PARD3: variants seen among roughly 807,000 people sequenced by gnomAD.
PARD3 encodes the protein par-3 family cell polarity regulator.
PARD3 carries 75 observed loss-of-function variants against 155.4 expected under a neutral mutation model. The observed-to-expected ratio is 0.48, with a 90% CI of 0.40 to 0.58. PARD3 has a LOEUF of 0.58. Among genes scored for constraint, PARD3 ranks in the 20% least tolerant of loss-of-function variants. PARD3 has a pLI of 0.00. For synonymous variants in PARD3, 576 were observed against 610.5 expected (o/e 0.94, Z 0.83); for missense variants, 1,642 against 1,721.7 (o/e 0.95, Z 0.82).
At chr10:34,555,340 G>A (rs564831809) in intron 2 of PARD3, among the ~76,000 whole-genome samples, 2 of 152,052 alleles carry the variant, frequency 1.3e-5, no homozygotes, top group South Asian at 2.1e-4. Context: ...CATGAACTAC[G>A]ATCCCATTCC....
chr10:34,728,636 C>T (rs1246421428), intron 1 of PARD3, among the ~76,000 whole-genome samples: 1 of 152,158 alleles, frequency 6.6e-6, no homozygotes, highest in Non-Finnish European at 1.5e-5. Context: ...TAAGTGCTCC[C>T]AATTTGGATG....
intron 1 of PARD3, among the ~76,000 whole-genome samples, chr10:34,731,817 T>G (rs1176194160): frequency 6.6e-6 from 1 of 152,168 alleles, no homozygotes; most frequent in Admixed American, 6.5e-5. Context: ...AGGCAAATGC[T>G]GTAATGAGTC....
At chr10:34,210,834 CTGACT>C (rs928487125) in intron 22 of PARD3, among the ~76,000 whole-genome samples, 5 of 152,118 alleles carry the variant, frequency 3.3e-5, no homozygotes, top group Admixed American at 6.6e-5. Context: ...CAATTGCTTC[CTGACT>C]TGACTTTTCA....
At chr10:34,623,801 G>T (rs1191069013) in intron 2 of PARD3, among the ~76,000 whole-genome samples, 1 of 152,004 alleles carries the variant, frequency 6.6e-6, no homozygotes, top group African/African-American at 2.4e-5. Context: ...CTAACACGGT[G>T]AAACCCTGAC....
intron 2 of PARD3, among the ~76,000 whole-genome samples, chr10:34,617,520 G>T (rs570010537): frequency 6.6e-6 from 1 of 152,264 alleles, no homozygotes; most frequent in South Asian, 2.1e-4. Flanking sequence ...TGTTTGAAGT[G>T]ACTGATATAC....
intron 22 of PARD3, among the ~76,000 whole-genome samples, chr10:34,242,829 G>A (rs1206326624): frequency 6.6e-6 from 1 of 152,150 alleles, no homozygotes; most frequent in Non-Finnish European, 1.5e-5. Context: ...CAGCTACTCG[G>A]GAGGCTGAGG....
At chr10:34,275,655 C>A (rs1955840407) in intron 21 of PARD3, among the ~76,000 whole-genome samples, 1 of 152,128 alleles carries the variant, frequency 6.6e-6, no homozygotes, top group Admixed American at 6.6e-5. Flanking sequence ...TGTATTTCCA[C>A]TCTGTGGAGA....
chr10:34,597,986 A>T (rs1348480584), intron 2 of PARD3, among the ~76,000 whole-genome samples: 1 of 152,222 alleles, frequency 6.6e-6, no homozygotes, highest in Non-Finnish European at 1.5e-5. Flanking sequence ...CACCTCTATA[A>T]GAAACTATCA....
chr10:34,191,182 G>C lies in PARD3; in HGVS notation c.3420-59599C>G, dbSNP rs566206049. Among the ~76,000 whole-genome samples the C allele has an allele frequency of 2.7e-4, 41 of 152,064 alleles. No individual in the cohort carries two copies. The Middle Eastern group carries it at 0.01, about 38-fold the overall frequency. Reference sequence around the variant, plus strand: ...ATAAACTCAGGTAAGAAATAAAAATGGCCTAGTGATAGCATTGGCAATTTG... The same window carrying C: ...ATAAACTCAGGTAAGAAATAAAAATCGCCTAGTGATAGCATTGGCAATTTG... On this transcript the variant is annotated intron_variant, in intron 22 of 24. Coordinates refer to ENST00000374788, the MANE Select transcript of PARD3 (RefSeq NM_001184785.2).
At chr10:34,198,355 G>C (rs1489139425) in intron 22 of PARD3, among the ~76,000 whole-genome samples, 1 of 151,984 alleles carries the variant, frequency 6.6e-6, no homozygotes, top group African/African-American at 2.4e-5. Context: ...CTCAGCAAAA[G>C]ACAGATTTAT....
intron 3 of PARD3, among the ~76,000 whole-genome samples, chr10:34,484,708 C>T (rs2079325274): frequency 6.6e-6 from 1 of 152,228 alleles, no homozygotes; most frequent in Non-Finnish European, 1.5e-5. Context: ...CAGCGTGATC[C>T]TGCTGCTTCA....
intron 14 of PARD3, among the ~76,000 whole-genome samples, chr10:34,355,170 T>C (rs1280713825): frequency 6.6e-6 from 1 of 152,058 alleles, no homozygotes. Flanking sequence ...ATCCCATCTT[T>C]AAAGAAAAAT....
At chr10:34,385,939 T>C (rs1486163896) in intron 7 of PARD3, among the ~76,000 whole-genome samples, 4 of 152,150 alleles carry the variant, frequency 2.6e-5, no homozygotes, top group East Asian at 1.9e-4. Flanking sequence ...TTTTGCAAAA[T>C]AGAATACAAG....
At chr10:34,318,165 C>T (rs902411400) in intron 19 of PARD3, among the ~76,000 whole-genome samples, 1 of 152,156 alleles carries the variant, frequency 6.6e-6, no homozygotes, top group African/African-American at 2.4e-5. Context: ...ATACCCCAAA[C>T]TTTTTGCAGT....
intron 3 of PARD3, among the ~76,000 whole-genome samples, chr10:34,479,165 T>A (rs2078902783): frequency 6.7e-6 from 1 of 150,182 alleles, no homozygotes; most frequent in Non-Finnish European, 1.5e-5. Context: ...ATTTAATTTT[T>A]TTTTTTTTTT....
At chr10:34,250,551 T>C (rs11009698) in intron 22 of PARD3, among the ~76,000 whole-genome samples, 4 of 151,930 alleles carry the variant, frequency 2.6e-5, no homozygotes, top group Middle Eastern at 3.2e-3. Flanking sequence ...TTAGGAGATA[T>C]GTATGTAGTT....
chr10:34,636,109 AGAAG>A (rs2092463708), intron 2 of PARD3, among the ~76,000 whole-genome samples: 1 of 152,106 alleles, frequency 6.6e-6, no homozygotes, highest in Non-Finnish European at 1.5e-5. Flanking sequence ...GACGGAAGGA[AGAAG>A]GAAGAAGAAG....
At chr10:34,736,100 C>T (rs551820900) in intron 1 of PARD3, among the ~76,000 whole-genome samples, 3 of 152,150 alleles carry the variant, frequency 2.0e-5, no homozygotes, top group Admixed American at 1.3e-4. Context: ...GGCGCGATCT[C>T]GGCTAGCTGC....
chr10:34,579,572 G>GTGTGTGTGTGTATGTA (rs1554775628), intron 2 of PARD3, among the ~76,000 whole-genome samples: 1 of 149,548 alleles, frequency 6.7e-6, no homozygotes, highest in Non-Finnish European at 1.5e-5. Context: ...GTGTGTGTGT[G>GTGTGTGTGTGTATGTA]TGTGTGTGTG....
Sources: gnomAD v4.1 joint callset for allele counts (sites outside exome capture counted in the v4.1 genomes callset) on GRCh38, gnomAD v4.1.1 for gene constraint, MANE v1.5 for transcripts, NCBI Gene and HGNC (gene_info 2026-07-23, HGNC 2026-07-21) for gene names.